ANKIB1: variants seen among roughly 807,000 people sequenced by gnomAD.
ANKIB1 encodes the protein ankyrin repeat and IBR domain-containing protein 1.
ANKIB1 carries 43 observed loss-of-function variants against 122.1 expected under a neutral mutation model. That is an observed-to-expected ratio of 0.35 (90% CI 0.28 to 0.45). The LOEUF is 0.45. Among genes scored for constraint, ANKIB1 ranks in the 20% least tolerant of loss-of-function variants. ANKIB1 has a pLI of 1.00. For missense variants in ANKIB1, 992 were observed against 1,329.5 expected, an observed-to-expected ratio of 0.75 and a Z score of 3.95; for synonymous variants, 390 against 442.0, an observed-to-expected ratio of 0.88 and a Z score of 1.48.
intron 1 of ANKIB1, among the ~76,000 whole-genome samples, chr7:92,247,075 C>T (rs969374973): frequency 3.9e-5 from 6 of 152,122 alleles, no homozygotes; most frequent in African/African-American, 1.4e-4. Context: ...CTGTTTGAGT[C>T]GCAGGAAATT....
chr7:92,391,996 G>A (rs1343756119), intron 16 of ANKIB1, among the ~76,000 whole-genome samples: 1 of 151,902 alleles, frequency 6.6e-6, no homozygotes, highest in Non-Finnish European at 1.5e-5. Context: ...ACAAATAGAA[G>A]CATTATAAAA....
chr7:92,345,839 G>A (rs1255187376), intron 7 of ANKIB1, among the ~76,000 whole-genome samples: 2 of 151,048 alleles, frequency 1.3e-5, no homozygotes, highest in African/African-American at 4.9e-5. Context: ...CAAGTGTAGG[G>A]AGCTAGAGAA....
chr7:92,341,085 A>C (rs1236152815), intron 5 of ANKIB1, among the ~76,000 whole-genome samples: 3 of 152,114 alleles, frequency 2.0e-5, no homozygotes, highest in African/African-American at 7.2e-5. Context: ...TGGGCAGATC[A>C]CTTGAGGTCG....
At chr7:92,306,605 A>C (rs1802567094) in intron 2 of ANKIB1, among the ~76,000 whole-genome samples, 1 of 152,082 alleles carries the variant, frequency 6.6e-6, no homozygotes, top group African/African-American at 2.4e-5. Context: ...CCACCATGTG[A>C]GAGAACACAA....
intron 2 of ANKIB1, among the ~76,000 whole-genome samples, chr7:92,296,021 A>G (rs1321758735): frequency 6.6e-6 from 1 of 152,126 alleles, no homozygotes; most frequent in Non-Finnish European, 1.5e-5. Context: ...TAGTATTCAG[A>G]GCTCTTTGGA....
At chr7:92,275,655 G>A (rs1466729086) in intron 1 of ANKIB1, among the ~76,000 whole-genome samples, 1 of 152,156 alleles carries the variant, frequency 6.6e-6, no homozygotes, top group African/African-American at 2.4e-5. Flanking sequence ...AACTGGGGGT[G>A]ATGCACCATT....
chr7:92,348,133 A>T, intron 7 of ANKIB1: 1 of 290,318 alleles, frequency 3.4e-6, no homozygotes, highest in South Asian at 3.2e-5. Flanking sequence ...AACAGAACTG[A>T]TCCTGTCTTC....
chr7:92,331,963 T>C (rs895621374), intron 5 of ANKIB1, among the ~76,000 whole-genome samples: 6 of 152,220 alleles, frequency 3.9e-5, no homozygotes, highest in Admixed American at 3.3e-4. Context: ...TTTTTATCCC[T>C]ATTTTTTACA....
At chr7:92,390,153 T>C in intron 15 of ANKIB1, 37 bp downstream of exon 15, 2 of 1,431,900 alleles carry the variant, frequency 1.4e-6, no homozygotes, top group Non-Finnish European at 1.9e-6. Flanking sequence ...TGGCAGCAGT[T>C]ATTATGAAAT....
chr7:92,270,728 G>GTTTTTTTTTTTT (rs397889266), intron 1 of ANKIB1, among the ~76,000 whole-genome samples: 2 of 81,982 alleles, frequency 2.4e-5, no homozygotes, highest in Admixed American at 1.4e-4. Flanking sequence ...CATCGCTATA[G>GTTTTTTTTTTTT]TTTTTTTTTT....
rs1213284657 is a variant in ANKIB1 at position 92,327,812 on chromosome 7, T to G, written c.699T>G (p.Leu233=). Residue 233 remains leucine (L), a synonymous_variant, in exon 5 of 20, where the codon CTT becomes CTG. Coordinates refer to ENST00000265742, the MANE Select transcript of ANKIB1 (RefSeq NM_019004.2). ...EPYEGLRPQD[L]RRLKDMLIVE... ...ATGAAGGATTAAGGCCTCAGGATCTTCGTAGACTAAAAGATATGCTTATTG... is the reference window on the plus strand; with the variant it reads ...ATGAAGGATTAAGGCCTCAGGATCTGCGTAGACTAAAAGATATGCTTATTG... 6.3e-7 allele frequency: 1 copy of G among 1,585,760 alleles called. No individual in the cohort carries two copies. Among genetic ancestry groups the G allele is most frequent in the Admixed American group, 2.0e-5 (1 of 51,184 alleles).
chr7:92,256,527 A>C (rs552559445), intron 1 of ANKIB1, among the ~76,000 whole-genome samples: 2 of 152,306 alleles, frequency 1.3e-5, no homozygotes, highest in South Asian at 4.1e-4. Context: ...ATTTTCAAGG[A>C]GTTTGTATTT....
chr7:92,323,994 T>C (rs1312458825), intron 4 of ANKIB1, among the ~76,000 whole-genome samples: 1 of 152,238 alleles, frequency 6.6e-6, no homozygotes, highest in African/African-American at 2.4e-5. Flanking sequence ...AGCTGCTGGC[T>C]TCCTGTGATG....
intron 11 of ANKIB1, among the ~76,000 whole-genome samples, chr7:92,373,405 C>G (rs1027017131): frequency 6.6e-6 from 1 of 152,136 alleles, no homozygotes; most frequent in Admixed American, 6.5e-5. Flanking sequence ...GTATTGCATT[C>G]ATGAATGTTT....
intron 9 of ANKIB1, among the ~76,000 whole-genome samples, chr7:92,353,988 GA>G: frequency 6.6e-6 from 1 of 152,178 alleles, no homozygotes; most frequent in Non-Finnish European, 1.5e-5. Context: ...AGAGATCAGA[GA>G]AAAATTAAGT....
intron 1 of ANKIB1, among the ~76,000 whole-genome samples, chr7:92,294,006 C>T (rs1460755755): frequency 2.0e-5 from 3 of 152,174 alleles, no homozygotes; most frequent in African/African-American, 7.2e-5. Flanking sequence ...CCATGCTGTA[C>T]AGATGGGAAT....
At chr7:92,348,108 A>C in intron 7 of ANKIB1, 1 of 336,588 alleles carries the variant, frequency 3.0e-6, no homozygotes, top group South Asian at 2.5e-5. Context: ...CTTGATGAGA[A>C]ATAATAATAT....
chr7:92,279,542 C>T (rs1801976594), intron 1 of ANKIB1, among the ~76,000 whole-genome samples: 2 of 152,036 alleles, frequency 1.3e-5, no homozygotes. Context: ...AGTTTAGGGC[C>T]CACAGAGGGG....
At chr7:92,262,949 A>G (rs1372228957) in intron 1 of ANKIB1, among the ~76,000 whole-genome samples, 2 of 152,106 alleles carry the variant, frequency 1.3e-5, no homozygotes, top group South Asian at 2.1e-4. Flanking sequence ...CTAATTGTCT[A>G]CCTTTACATA....
Sources: gnomAD v4.1 joint callset for allele counts (sites outside exome capture counted in the v4.1 genomes callset) on GRCh38, gnomAD v4.1.1 for gene constraint, MANE v1.5 for transcripts, NCBI Gene and HGNC (gene_info 2026-07-23, HGNC 2026-07-21) for gene names.